The following TFCP2L1 variants were observed in gnomAD, a reference collection of about 807,000 sequenced individuals.
The protein encoded by TFCP2L1 is transcription factor CP2 like 1.
TFCP2L1 carries 12 observed loss-of-function variants against 72.2 expected under a neutral mutation model. The ratio of observed to expected loss-of-function variants is 0.17; its 90% CI spans 0.11 to 0.27. The LOEUF is 0.27. TFCP2L1 is among the 10% of genes least tolerant of loss of function. TFCP2L1 has a pLI of 1.00. For synonymous variants in TFCP2L1, 260 were observed against 251.0 expected (o/e 1.04, Z -0.34); for missense variants, 488 against 624.6 (o/e 0.78, Z 2.33).
intron 2 of TFCP2L1, among the ~76,000 whole-genome samples, chr2:121,249,920 C>A (rs574400182): frequency 1.3e-5 from 2 of 152,320 alleles, no homozygotes; most frequent in African/African-American, 4.8e-5. Context: ...TAAACAGAAT[C>A]CAGGAAAATA....
chr2:121,262,346 C>A (rs975887994), intron 2 of TFCP2L1, among the ~76,000 whole-genome samples: 2 of 151,896 alleles, frequency 1.3e-5, no homozygotes, highest in Non-Finnish European at 2.9e-5. Flanking sequence ...GCGCCTGTAA[C>A]CCTAGCTACT....
intron 2 of TFCP2L1, among the ~76,000 whole-genome samples, chr2:121,250,363 TAC>T (rs755492586): frequency 9.8e-4 from 145 of 148,100 alleles, no homozygotes; most frequent in East Asian, 4.6e-3. Flanking sequence ...TATATATATA[TAC>T]ACACACACAC....
intron 13 of TFCP2L1, among the ~76,000 whole-genome samples, chr2:121,229,356 A>G (rs1686096062): frequency 6.6e-6 from 1 of 152,176 alleles, no homozygotes; most frequent in Non-Finnish European, 1.5e-5. Flanking sequence ...CTTTTTTCAC[A>G]TCTACCTTCT....
intron 6 of TFCP2L1, among the ~76,000 whole-genome samples, chr2:121,243,248 G>A (rs1686414817): frequency 6.6e-6 from 1 of 152,268 alleles, no homozygotes; most frequent in Non-Finnish European, 1.5e-5. Flanking sequence ...GAACCGAGCA[G>A]TTTTACTACC....
In TFCP2L1 at chr2:121,222,898, C is replaced by T. The variant is rs148725037; in HGVS notation, c.*1443G>A. ...TTCTGTAGGAATGCCACGGCTATTA[C>T]CCAACATAATGACTAACAGAGCCCC... On this transcript the variant is annotated 3_prime_UTR_variant, in exon 15 of 15. Transcript: ENST00000263707. 4.7e-4 allele frequency: 72 copies of T among 152,298 alleles called. No homozygotes were observed. Among genetic ancestry groups the T allele is most frequent in the Middle Eastern group, 6.8e-3 (2 of 294 alleles). 9.4% of individuals were successfully genotyped at this position (152,298 alleles called of 1,614,324 possible).
At chr2:121,283,720 T>C (rs1404421112) in intron 1 of TFCP2L1, among the ~76,000 whole-genome samples, 1 of 148,062 alleles carries the variant, frequency 6.8e-6, no homozygotes, top group Non-Finnish European at 1.5e-5. Context: ...TCAAACTCAT[T>C]GTTAAGATAT....
intron 2 of TFCP2L1, among the ~76,000 whole-genome samples, chr2:121,258,318 C>T (rs1377285697): frequency 2.6e-5 from 4 of 152,178 alleles, no homozygotes; most frequent in Admixed American, 2.6e-4. Flanking sequence ...AATAAGCGCC[C>T]AGCCACCCCA....
chr2:121,235,375 CCAGCTG>C, intron 10 of TFCP2L1, 64 bp from the exon 11 acceptor site: 1 of 1,556,938 alleles, frequency 6.4e-7, no homozygotes. Flanking sequence ...CGGTCCCCAA[CCAGCTG>C]CAGACCCCAT....
chr2:121,227,404 G>C (rs1686050789), intron 13 of TFCP2L1, among the ~76,000 whole-genome samples: 1 of 152,138 alleles, frequency 6.6e-6, no homozygotes, highest in Non-Finnish European at 1.5e-5. Context: ...TAAACAGGCC[G>C]GGCGCGGTGG....
intron 13 of TFCP2L1, among the ~76,000 whole-genome samples, chr2:121,230,141 C>A (rs1686111350): frequency 6.6e-6 from 1 of 152,122 alleles, no homozygotes; most frequent in South Asian, 2.1e-4. Flanking sequence ...CCGCTCCCAC[C>A]AGCACAGTCC....
At chr2:121,268,075 G>A (rs1056602913) in intron 2 of TFCP2L1, among the ~76,000 whole-genome samples, 1 of 152,134 alleles carries the variant, frequency 6.6e-6, no homozygotes, top group African/African-American at 2.4e-5. Context: ...TCACAGCACT[G>A]TACTCCAGCC....
chr2:121,258,309 A>T (rs1421456067), intron 2 of TFCP2L1, among the ~76,000 whole-genome samples: 1 of 152,206 alleles, frequency 6.6e-6, no homozygotes, highest in Non-Finnish European at 1.5e-5. Flanking sequence ...ATCAATATTA[A>T]TAAGCGCCCA....
intron 2 of TFCP2L1, among the ~76,000 whole-genome samples, chr2:121,263,752 G>A (rs1399789535): frequency 1.3e-5 from 2 of 152,152 alleles, no homozygotes. Flanking sequence ...GTGTGTGTGT[G>A]TTTACGACAA....
intron 2 of TFCP2L1, among the ~76,000 whole-genome samples, chr2:121,261,158 C>G (rs1481327654): frequency 6.6e-6 from 1 of 152,190 alleles, no homozygotes; most frequent in East Asian, 1.9e-4. Flanking sequence ...GCTTTGCCAG[C>G]AACACACCCT....
At chr2:121,245,771 T>C (rs1263366341) in intron 6 of TFCP2L1, among the ~76,000 whole-genome samples, 1 of 152,134 alleles carries the variant, frequency 6.6e-6, no homozygotes, top group Non-Finnish European at 1.5e-5. Flanking sequence ...TCTCCCAGGG[T>C]TGCCACCAGG....
chr2:121,242,525 C>T, intron 6 of TFCP2L1, 56 bp from the exon 7 acceptor site: 1 of 1,552,258 alleles, frequency 6.4e-7, no homozygotes, highest in South Asian at 1.1e-5. Flanking sequence ...CAGCAGCCCC[C>T]AAGCCCTCTC....
intron 1 of TFCP2L1, 61 bp from the exon 2 acceptor site, chr2:121,281,332 A>C: frequency 2.0e-6 from 3 of 1,519,826 alleles, no homozygotes; most frequent in Non-Finnish European, 2.6e-6. Context: ...GCACAGAGCC[A>C]GGGCGAAGCT....
chr2:121,246,532 AG>A (rs1258559951), intron 6 of TFCP2L1, among the ~76,000 whole-genome samples: 1 of 152,190 alleles, frequency 6.6e-6, no homozygotes, highest in Non-Finnish European at 1.5e-5. Flanking sequence ...ATTCTTATAG[AG>A]TAGCGCCGAG....
chr2:121,232,910 G>A (rs1686174663), intron 12 of TFCP2L1, among the ~76,000 whole-genome samples: 1 of 152,086 alleles, frequency 6.6e-6, no homozygotes, highest in African/African-American at 2.4e-5. Context: ...CAACTTCAAG[G>A]GACCTCAAGT....
Sources: gnomAD v4.1 joint callset for allele counts (sites outside exome capture counted in the v4.1 genomes callset) on GRCh38, gnomAD v4.1.1 for gene constraint, MANE v1.5 for transcripts, NCBI Gene and HGNC (gene_info 2026-07-23, HGNC 2026-07-21) for gene names.